TPTE: variants seen among roughly 807,000 people sequenced by gnomAD.
TPTE encodes the protein transmembrane phosphatase with tensin homology.
A neutral mutation model predicts 84.1 loss-of-function variants in TPTE; 59 were observed. That is an observed-to-expected ratio of 0.70 (90% CI 0.57 to 0.87). The LOEUF is 0.87. Ranked by LOEUF, TPTE falls within the 40% of genes least tolerant of loss-of-function variation. TPTE has a pLI of 0.00. For synonymous variants in TPTE, 130 were observed against 223.5 expected (o/e 0.58, Z 3.73); for missense variants, 382 against 659.6 (o/e 0.58, Z 4.61).
intron 22 of TPTE, among the ~76,000 whole-genome samples, chr21:10,603,120 C>G (rs574396436): frequency 4.9e-4 from 75 of 152,190 alleles, no homozygotes; most frequent in African/African-American, 1.8e-3. Context: ...AGGAGGTGAA[C>G]GGGAAACTGC....
At chr21:10,582,378 A>G (rs1487585849) in intron 17 of TPTE, among the ~76,000 whole-genome samples, 1 of 152,300 alleles carries the variant, frequency 6.6e-6, no homozygotes, top group Non-Finnish European at 1.5e-5. Flanking sequence ...TTTTGTAATT[A>G]TTGTAGCTTT....
intron 19 of TPTE, among the ~76,000 whole-genome samples, chr21:10,593,415 G>C (rs1198362813): frequency 2.0e-5 from 3 of 152,306 alleles, no homozygotes; most frequent in African/African-American, 7.2e-5. Context: ...TTCAAACAAA[G>C]TCCACACATT....
intron 3 of TPTE, among the ~76,000 whole-genome samples, chr21:10,529,369 A>AT: frequency 6.6e-6 from 1 of 152,428 alleles, no homozygotes; most frequent in South Asian, 2.1e-4. Flanking sequence ...TTCCATTTTC[A>AT]CCAGGAGGAC....
At chr21:10,530,899 G>T (rs1468533586) in intron 3 of TPTE, among the ~76,000 whole-genome samples, 1 of 152,310 alleles carries the variant, frequency 6.6e-6, no homozygotes, top group Non-Finnish European at 1.5e-5. Context: ...TTGAATTTAT[G>T]TGATAACTTA....
chr21:10,554,817 A>G (rs1392492520), intron 8 of TPTE, among the ~76,000 whole-genome samples: 4 of 152,308 alleles, frequency 2.6e-5, no homozygotes, highest in Admixed American at 2.6e-4. Context: ...GTCTTAAGGT[A>G]TAAAGTGTAG....
intron 10 of TPTE, among the ~76,000 whole-genome samples, chr21:10,565,928 T>C (rs1220923152): frequency 1.3e-5 from 2 of 152,304 alleles, no homozygotes; most frequent in Admixed American, 1.3e-4. Context: ...TTGGGAAGAA[T>C]CTCCAGGACA....
At chr21:10,553,921 AGTT>A (rs2074628712) in intron 8 of TPTE, among the ~76,000 whole-genome samples, 2 of 152,310 alleles carry the variant, frequency 1.3e-5, no homozygotes, top group African/African-American at 4.8e-5. Flanking sequence ...AAAACTCTGT[AGTT>A]CTGTAAATAG....
chr21:10,599,038 C>CG (rs1319760156), intron 21 of TPTE, among the ~76,000 whole-genome samples: 67 of 152,272 alleles, frequency 4.4e-4, no homozygotes, highest in African/African-American at 1.5e-3. Context: ...TATGAGCACC[C>CG]GCTGAGTTGT....
intron 1 of TPTE, among the ~76,000 whole-genome samples, chr21:10,522,059 C>T (rs1237299531): frequency 1.3e-5 from 2 of 152,014 alleles, no homozygotes; most frequent in South Asian, 2.1e-4. Flanking sequence ...AGGGGGCGCG[C>T]CCCCCGCCCG....
chr21:10,559,227 C>T (rs1240067498), intron 8 of TPTE, among the ~76,000 whole-genome samples: 2 of 152,310 alleles, frequency 1.3e-5, no homozygotes, highest in Admixed American at 6.5e-5. Flanking sequence ...TTAGTATTGC[C>T]ATAAAGTTGG....
intron 17 of TPTE, among the ~76,000 whole-genome samples, chr21:10,581,963 G>C (rs1457751538): frequency 2.4e-4 from 36 of 152,370 alleles, no homozygotes; most frequent in Non-Finnish European, 4.9e-4. Flanking sequence ...TCGAACCCCT[G>C]GACTCAAGTG....
At chr21:10,576,718 T>C (rs796813346) in intron 14 of TPTE, 5 of 152,406 alleles carry the variant, frequency 3.3e-5, no homozygotes, top group African/African-American at 9.6e-5. Context: ...GATATATACG[T>C]ATGTGTGTGT....
At chr21:10,556,010 T>C (rs1211274879) in intron 8 of TPTE, among the ~76,000 whole-genome samples, 2 of 152,312 alleles carry the variant, frequency 1.3e-5, no homozygotes, top group African/African-American at 4.8e-5. Context: ...TCTTTACTTT[T>C]AGAATCATTT....
At chr21:10,595,075 CT>C (rs1250339347) in intron 19 of TPTE, among the ~76,000 whole-genome samples, 1 of 152,308 alleles carries the variant, frequency 6.6e-6, no homozygotes, top group Non-Finnish European at 1.5e-5. Flanking sequence ...CAGAGTCTCG[CT>C]CTGTCGCCCA....
intron 3 of TPTE, among the ~76,000 whole-genome samples, chr21:10,533,627 AGT>A (rs1491276655): frequency 6.6e-6 from 1 of 152,308 alleles, no homozygotes; most frequent in African/African-American, 2.4e-5. Context: ...TCCTTTCAAA[AGT>A]GTCCTGGTTT....
At chr21:10,546,956 C>T (rs1338110738) in intron 7 of TPTE, among the ~76,000 whole-genome samples, 32 of 152,412 alleles carry the variant, frequency 2.1e-4, no homozygotes, top group African/African-American at 6.5e-4. Context: ...TGTGGCCAAA[C>T]TAAACAACAC....
intron 21 of TPTE, among the ~76,000 whole-genome samples, chr21:10,600,918 CATG>C (rs1476868763): frequency 6.6e-6 from 1 of 152,308 alleles, no homozygotes; most frequent in Non-Finnish European, 1.5e-5. Context: ...TCTGATAAAA[CATG>C]ATGAGCAGGG....
intron 23 of TPTE, among the ~76,000 whole-genome samples, chr21:10,605,105 T>C (rs1336873747): frequency 1.3e-5 from 2 of 152,306 alleles, no homozygotes; most frequent in East Asian, 3.8e-4. Context: ...TGGGCTTTCA[T>C]TCATGTCTAT....
Position 10,538,752 on chromosome 21 carries a change from G to T in TPTE, c.11+18G>T, listed in dbSNP as rs1221842826. The T allele has an allele frequency of 6.2e-7, 1 of 1,614,074 alleles. No homozygotes were observed. Among genetic ancestry groups the T allele is most frequent in the Non-Finnish European group, 8.5e-7 (1 of 1,179,882 alleles). On this transcript the variant is annotated intron_variant, in intron 4 of 23. Transcript: ENST00000618007. ...AATGAAAGGTGAGTTATGCGTACGT[G>T]TGTCTTTATTTATCGAATTATAACT...
Sources: gnomAD v4.1 joint callset for allele counts (sites outside exome capture counted in the v4.1 genomes callset) on GRCh38, gnomAD v4.1.1 for gene constraint, MANE v1.5 for transcripts, NCBI Gene and HGNC (gene_info 2026-07-23, HGNC 2026-07-21) for gene names.